Variants in VPS53 observed in about 807,000 individuals in gnomAD.
VPS53 encodes the protein VPS53 subunit of GARP complex, also known as vacuolar protein sorting-associated protein 53 homolog.
A neutral mutation model predicts 107.0 loss-of-function variants in VPS53; 70 were observed. That is an observed-to-expected ratio of 0.65 (90% CI 0.54 to 0.80). VPS53 has a LOEUF of 0.80. Among genes scored for constraint, VPS53 ranks in the 30% least tolerant of loss-of-function variants. The probability of loss-of-function intolerance (pLI) is 0.00; values close to 1 mark genes in which losing one functional copy is unlikely to be tolerated. For missense variants in VPS53, 917 were observed against 1,049.4 expected (o/e 0.87, Z 1.74); for synonymous variants, 409 against 393.3 (o/e 1.04, Z -0.47).
rs148705110 is a variant in VPS53, at chr17:525,725, C to T, written c.2086-3987G>A. On this transcript the variant is annotated intron_variant, in intron 19 of 21. Transcript: ENST00000437048. ...AAAGAAAAAAAAAATGGGCCAGGCGCGGTGTCTCATGCCTGCAATCCCAGA... is the reference window on the plus strand; with the variant it reads ...AAAGAAAAAAAAAATGGGCCAGGCGTGGTGTCTCATGCCTGCAATCCCAGA... Among the ~76,000 whole-genome samples, 449 of 150,798 alleles carry T rather than the reference C, an allele frequency of 3.0e-3. 4 individuals carry two copies. The highest frequency in any genetic ancestry group is 0.01 in the African/African-American group (425 of 41,058).
rs149648579 is a variant in VPS53 at position 558,502 on chromosome 17, T to A, written c.1704+1924A>T. 4.3e-3 allele frequency among the ~76,000 whole-genome samples: 658 copies of A among 152,048 alleles called. 3 individuals are homozygous for A. Among genetic ancestry groups the A allele is most frequent in the African/African-American group, 0.015 (621 of 41,466 alleles). On this transcript the variant is annotated intron_variant, in intron 15 of 21. Coordinates refer to ENST00000437048, the MANE Select transcript of VPS53 (RefSeq NM_001128159.3). ...AAAAAAAATTAGCCAGGCGTGGTGA[T>A]GGGAACCCGTAGTCCCAGCTACTCG...
At chr17:682,303 C>T (rs1003206395) in intron 4 of VPS53, among the ~76,000 whole-genome samples, 4 of 152,062 alleles carry the variant, frequency 2.6e-5, no homozygotes, top group Non-Finnish European at 4.4e-5. Context: ...GTGCTTCTGC[C>T]GAGGATGCAG....
At position 634,951 on chromosome 17, in the gene VPS53, G is replaced by A. The variant is rs961153108; in HGVS notation, c.609-3323C>T. On this transcript the variant is annotated intron_variant, in intron 7 of 21. Coordinates refer to ENST00000437048, the MANE Select transcript of VPS53 (RefSeq NM_001128159.3). Reference sequence around the variant, plus strand: ...GGGTCAAATGGTATTTCTAGTTCTAGATCCTTGAGGAATCGCCACACTGTC... The same window carrying A: ...GGGTCAAATGGTATTTCTAGTTCTAAATCCTTGAGGAATCGCCACACTGTC... Among the ~76,000 whole-genome samples the A allele has an allele frequency of 1.2e-4, 18 of 151,980 alleles. 1 individual carries two copies. Among genetic ancestry groups the A allele is most frequent in the African/African-American group, 3.9e-4 (16 of 41,400 alleles).
Position 553,401 on chromosome 17 carries a change from C to G in VPS53, c.1766G>C (p.Gly589Ala). Residue 589 changes from glycine (G) to alanine (A), a missense_variant, in exon 16 of 22, where the codon GGA becomes GCA. Physicochemically the swap from Gly to Ala is moderately conservative, Grantham distance 60. Coordinates refer to ENST00000437048, the MANE Select transcript of VPS53 (RefSeq NM_001128159.3). Reference sequence around the variant, plus strand: ...ATACGTGCTGAACGTGTCCATCTCTCCAGTCAGATTGATTCGTTCAATCAG... The same window carrying G: ...ATACGTGCTGAACGTGTCCATCTCTGCAGTCAGATTGATTCGTTCAATCAG... The part of the protein sequence containing the change: ...VSLIERINLT[G>A]EMDTFSTVIS... The G allele has an allele frequency of 6.2e-7, 1 of 1,614,068 alleles. No individual in the cohort carries two copies. Among genetic ancestry groups the G allele is most frequent in the Non-Finnish European group, 8.5e-7 (1 of 1,180,014 alleles).
chr17:548,941 G>A (rs1347140720), intron 17 of VPS53, among the ~76,000 whole-genome samples: 2 of 152,124 alleles, frequency 1.3e-5, no homozygotes, highest in South Asian at 2.1e-4. Flanking sequence ...TCCCCACCTG[G>A]ATATGAACTC....
chr17:564,541 G>GA (rs34603655), intron 13 of VPS53, among the ~76,000 whole-genome samples: 60,749 of 96,824 alleles, frequency 0.63, 18,094 homozygotes, highest in African/African-American at 0.76. Context: ...CTCTGTCTCA[G>GA]AAAAAAAAAA....
intron 4 of VPS53, among the ~76,000 whole-genome samples, chr17:696,942 GCCGCTGTGC>G (rs1374033271): frequency 6.6e-5 from 10 of 152,110 alleles, no homozygotes; most frequent in African/African-American, 2.2e-4. Context: ...ACAGGCGTGA[GCCGCTGTGC>G]CCGCTGTGCC....
At chr17:543,783 AGAAG>A (rs1195835497) in intron 17 of VPS53, among the ~76,000 whole-genome samples, 764 of 43,128 alleles carry the variant, frequency 0.018, 10 homozygotes, top group Non-Finnish European at 0.022. Context: ...TATGAAGAAG[AGAAG>A]GAAGGAAGGA....
intron 4 of VPS53, among the ~76,000 whole-genome samples, chr17:668,974 T>G (rs1305260319): frequency 6.6e-6 from 1 of 152,146 alleles, no homozygotes; most frequent in Non-Finnish European, 1.5e-5. Flanking sequence ...GTGCCAGACT[T>G]TTTTCGGGCT....
intron 13 of VPS53, among the ~76,000 whole-genome samples, chr17:571,035 C>T (rs981761441): frequency 1.3e-5 from 2 of 152,030 alleles, no homozygotes; most frequent in Non-Finnish European, 2.9e-5. Context: ...GAAAAAAGTA[C>T]AGGTTGGGCA....
At chr17:597,035 T>G (rs1430633560) in intron 12 of VPS53, among the ~76,000 whole-genome samples, 3 of 152,228 alleles carry the variant, frequency 2.0e-5, no homozygotes, top group Non-Finnish European at 4.4e-5. Context: ...CTTTCTGTTA[T>G]GCTTTCAGTG....
intron 7 of VPS53, among the ~76,000 whole-genome samples, chr17:647,968 A>G (rs1002265449): frequency 2.6e-5 from 4 of 152,178 alleles, no homozygotes; most frequent in African/African-American, 9.7e-5. Context: ...CTGCACCCAC[A>G]CCGTGAATGC....
chr17:566,485 T>G (rs960314096), intron 13 of VPS53, among the ~76,000 whole-genome samples: 3 of 152,114 alleles, frequency 2.0e-5, no homozygotes, highest in African/African-American at 4.8e-5. Context: ...GTCATGCCAA[T>G]GAGTGGAGTG....
chr17:583,892 A>C (rs1364170297), intron 13 of VPS53, among the ~76,000 whole-genome samples: 2 of 131,456 alleles, frequency 1.5e-5, no homozygotes, highest in East Asian at 2.4e-4. Context: ...GAGAACCTCC[A>C]TCAGGACCTC....
At chr17:545,290 C>T (rs932632726) in intron 17 of VPS53, among the ~76,000 whole-genome samples, 4 of 152,152 alleles carry the variant, frequency 2.6e-5, no homozygotes, top group African/African-American at 4.8e-5. Flanking sequence ...CTGCATTTCC[C>T]TCTCCTTGTC....
intron 13 of VPS53, among the ~76,000 whole-genome samples, chr17:582,611 G>A (rs565323724): frequency 1.4e-5 from 2 of 144,060 alleles, no homozygotes; most frequent in Non-Finnish European, 3.0e-5. Flanking sequence ...GAACCTCAAC[G>A]CAGTCCCAGA....
chr17:521,383 C>G (rs1157252765), intron 20 of VPS53, among the ~76,000 whole-genome samples: 1 of 152,096 alleles, frequency 6.6e-6, no homozygotes, highest in Non-Finnish European at 1.5e-5. Flanking sequence ...AATCCCACGC[C>G]AACAAGAAAT....
chr17:536,843 C>T lies in VPS53; in HGVS notation c.2015+185G>A, dbSNP rs1387285128. 7.3e-6 allele frequency: 5 copies of T among 680,370 alleles called. No homozygotes were observed. The East Asian group carries it at 8.7e-5, about 12-fold the overall frequency. The allele number at this position is 680,370 out of a possible 1,614,324, so 42.1% of individuals were successfully genotyped here. A position where few individuals can be genotyped will look rare whatever the true frequency, so the allele number is the denominator to read the frequency against. On this transcript the variant is annotated intron_variant, in intron 18 of 21. Coordinates refer to ENST00000437048, the MANE Select transcript of VPS53 (RefSeq NM_001128159.3). ...GTTGATGCAGGTTCATCCACTGTAA[C>T]GAATGTGCCACTTTGTGTGTGGGGA...
chr17:575,345 C>A (rs1477737851), intron 13 of VPS53, among the ~76,000 whole-genome samples: 7 of 152,158 alleles, frequency 4.6e-5, no homozygotes, highest in Non-Finnish European at 7.4e-5. Context: ...TGTGCTCACC[C>A]ATGATAGAAG....
Sources: gnomAD v4.1 joint callset for allele counts (sites outside exome capture counted in the v4.1 genomes callset) on GRCh38, gnomAD v4.1.1 for gene constraint, MANE v1.5 for transcripts, NCBI Gene and HGNC (gene_info 2026-07-23, HGNC 2026-07-21) for gene names.